FBXW10B: variants seen among roughly 807,000 people sequenced by gnomAD.
FBXW10B encodes the protein F-box and WD repeat domain containing protein 10B.
chr17:15,573,387 C>T, the FBXW10B span: 2 of 152,204 alleles, frequency 1.3e-5, no homozygotes, highest in African/African-American at 2.4e-5. Flanking sequence ...TCCTTAAAGG[C>T]GGAATGGTTT....
chr17:15,619,097 A>T, the FBXW10B span: 1 of 1,613,958 alleles, frequency 6.2e-7, no homozygotes, highest in South Asian at 1.1e-5. Context: ...CTGCAGCAGT[A>T]AGAGAGTATA....
chr17:15,566,169 A>T, the FBXW10B span: 2 of 1,611,516 alleles, frequency 1.2e-6, no homozygotes, highest in Non-Finnish European at 1.7e-6. Flanking sequence ...AGACATCAGT[A>T]ATTTCTGTTT....
At chr17:15,570,108 A>T in the FBXW10B span, among the ~76,000 whole-genome samples, 1 of 152,188 alleles carries the variant, frequency 6.6e-6, no homozygotes, top group Non-Finnish European at 1.5e-5. Flanking sequence ...CAGGTAGCTA[A>T]TGCTTAATAA....
the FBXW10B span, among the ~76,000 whole-genome samples, chr17:15,587,956 G>C: frequency 4.3e-3 from 648 of 152,184 alleles, 7 homozygotes; most frequent in African/African-American, 0.014. Flanking sequence ...AACCTCCTTA[G>C]GTTTCTCAAG....
chr17:15,584,681 G>A, the FBXW10B span, among the ~76,000 whole-genome samples: 1 of 152,186 alleles, frequency 6.6e-6, no homozygotes, highest in African/African-American at 2.4e-5. Context: ...GATGCTGAGA[G>A]TGATCATGGC....
the FBXW10B span, among the ~76,000 whole-genome samples, chr17:15,610,007 T>G: frequency 6.6e-6 from 1 of 151,906 alleles, no homozygotes; most frequent in Non-Finnish European, 1.5e-5. Context: ...ATTATAGGCA[T>G]GCACCACCAT....
chr17:15,607,675 G>A, the FBXW10B span: 57 of 1,612,968 alleles, frequency 3.5e-5, no homozygotes, highest in African/African-American at 6.2e-4. Flanking sequence ...TCCACAGGTT[G>A]TACTCATTCT....
At chr17:15,589,753 A>G in the FBXW10B span, among the ~76,000 whole-genome samples, 4 of 151,948 alleles carry the variant, frequency 2.6e-5, no homozygotes, top group African/African-American at 9.7e-5. Flanking sequence ...GGTTTCCTGC[A>G]ATATATGTAA....
the FBXW10B span, among the ~76,000 whole-genome samples, chr17:15,613,201 A>G: frequency 6.6e-6 from 1 of 151,500 alleles, no homozygotes. Context: ...GAAGACTGCC[A>G]TTGGGGAAAA....
chr17:15,604,039 C>T, the FBXW10B span, among the ~76,000 whole-genome samples: 1 of 146,636 alleles, frequency 6.8e-6, no homozygotes, highest in Non-Finnish European at 1.5e-5. Context: ...AACATGGCGC[C>T]ACTGCCCTCC....
At chr17:15,601,973 A>G in the FBXW10B span, among the ~76,000 whole-genome samples, 969 of 152,078 alleles carry the variant, frequency 6.4e-3, 2 homozygotes, top group African/African-American at 9.6e-3. Flanking sequence ...TTAGCCAGGC[A>G]TGGTGGCGGG....
chr17:15,601,909 G>A, the FBXW10B span, among the ~76,000 whole-genome samples: 9 of 152,054 alleles, frequency 5.9e-5, no homozygotes, highest in South Asian at 6.2e-4. Flanking sequence ...TCAGGAGATC[G>A]AGACCATCCT....
At chr17:15,570,150 A>G in the FBXW10B span, among the ~76,000 whole-genome samples, 1 of 152,202 alleles carries the variant, frequency 6.6e-6, no homozygotes, top group Non-Finnish European at 1.5e-5. Flanking sequence ...GGATGATAAG[A>G]GAAAGAAATG....
At chr17:15,578,185 C>T in the FBXW10B span, among the ~76,000 whole-genome samples, 1 of 151,876 alleles carries the variant, frequency 6.6e-6, no homozygotes, top group African/African-American at 2.4e-5. Context: ...GGCCAATAGA[C>T]CAAATCCTGA....
chr17:15,602,244 A>G, the FBXW10B span, among the ~76,000 whole-genome samples: 2 of 152,196 alleles, frequency 1.3e-5, no homozygotes, highest in African/African-American at 4.8e-5. Context: ...AAACAGAAAG[A>G]CAGTGGACTA....
the FBXW10B span, chr17:15,572,045 T>A: frequency 1.3e-5 from 2 of 151,464 alleles, no homozygotes; most frequent in Admixed American, 1.3e-4. Flanking sequence ...TAAATTTATA[T>A]GTTCCATATC....
chr17:15,601,729 G>A, the FBXW10B span, among the ~76,000 whole-genome samples: 32,661 of 152,050 alleles, frequency 0.21, 3,841 homozygotes, highest in East Asian at 0.37. Context: ...ATTCAATGCA[G>A]CCCAAATAAA....
chr17:15,606,332 A>C, the FBXW10B span, among the ~76,000 whole-genome samples: 2 of 140,386 alleles, frequency 1.4e-5, no homozygotes, highest in Non-Finnish European at 3.0e-5. Context: ...TTTGAGACCA[A>C]TCTGACCAGA....
chr17:15,569,953 G>A, the FBXW10B span, among the ~76,000 whole-genome samples: 1 of 152,182 alleles, frequency 6.6e-6, no homozygotes, highest in Non-Finnish European at 1.5e-5. Context: ...CTATTGAGTT[G>A]TTTGAATTCC....
Sources: gnomAD v4.1 joint callset for allele counts (sites outside exome capture counted in the v4.1 genomes callset) on GRCh38, gnomAD v4.1.1 for gene constraint, MANE v1.5 for transcripts, NCBI Gene and HGNC (gene_info 2026-07-23, HGNC 2026-07-21) for gene names.